Variants in MPP7 observed in about 807,000 individuals in gnomAD.
MPP7 encodes the protein MAGUK p55 scaffold protein 7, also known as MAGUK p55 subfamily member 7.
MPP7 carries 60 observed loss-of-function variants against 76.5 expected under a neutral mutation model. The observed-to-expected ratio is 0.78, with a 90% confidence interval of 0.64 to 0.97. The LOEUF (loss-of-function observed/expected upper bound fraction) is 0.97, where lower values mean the gene tolerates loss of function less well. Ranked by LOEUF, MPP7 falls within the 50% of genes least tolerant of loss-of-function variation. MPP7 has a pLI of 0.00. For missense variants in MPP7, 641 were observed against 694.0 expected (o/e 0.92, Z 0.86); for synonymous variants, 237 against 244.5 (o/e 0.97, Z 0.29).
intron 1 of MPP7, among the ~76,000 whole-genome samples, chr10:28,261,822 G>A (rs908884854): frequency 6.6e-6 from 1 of 152,016 alleles, no homozygotes; most frequent in Non-Finnish European, 1.5e-5. Flanking sequence ...CGAGGCAGGA[G>A]GATTGCTTGA....
In MPP7 at chr10:28,319,774, G is replaced by A. The variant is rs150288620; in HGVS notation, c.-132+10155C>T. Among the ~76,000 whole-genome samples the A allele has an allele frequency of 9.1e-3, 1,386 of 152,098 alleles. 21 individuals are homozygous for A. Among genetic ancestry groups the A allele is most frequent in the East Asian group, 0.055 (286 of 5,172 alleles). On this transcript the variant is annotated intron_variant, in intron 2 of 11. Transcript: ENST00000441595. ...GTGGATCACTTGAGGCCAGGGGTTC[G>A]AGACCAGCCTGGGCAACATGGAGAA...
chr10:28,081,685 T>C (rs892730942), intron 12 of MPP7, among the ~76,000 whole-genome samples: 1 of 152,082 alleles, frequency 6.6e-6, no homozygotes, highest in Non-Finnish European at 1.5e-5. Flanking sequence ...TTTTGTATTT[T>C]CTCAACAATA....
At chr10:28,297,238 A>T (rs1359103680) in intron 1 of MPP7, among the ~76,000 whole-genome samples, 2 of 152,202 alleles carry the variant, frequency 1.3e-5, no homozygotes, top group African/African-American at 4.8e-5. Flanking sequence ...ATTAGCTCTT[A>T]ATTTTAAAAT....
intron 1 of MPP7, among the ~76,000 whole-genome samples, chr10:28,241,913 G>T (rs977829413): frequency 1.3e-5 from 2 of 152,132 alleles, no homozygotes; most frequent in Non-Finnish European, 2.9e-5. Flanking sequence ...CTATGTGAAG[G>T]TCTATGAGCT....
At chr10:28,269,597 G>A (rs1035244388) in intron 1 of MPP7, among the ~76,000 whole-genome samples, 2 of 149,856 alleles carry the variant, frequency 1.3e-5, no homozygotes, top group Non-Finnish European at 3.0e-5. Context: ...CATGATCAAA[G>A]CTCACTGCAG....
intron 6 of MPP7, among the ~76,000 whole-genome samples, chr10:28,126,428 C>T (rs1378536346): frequency 1.3e-5 from 2 of 152,164 alleles, no homozygotes; most frequent in African/African-American, 4.8e-5. Flanking sequence ...GGCAGAAAAG[C>T]CTAGTAATCT....
At chr10:28,219,581 A>G (rs77622750) in intron 2 of MPP7, among the ~76,000 whole-genome samples, 7 of 152,286 alleles carry the variant, frequency 4.6e-5, no homozygotes, top group Middle Eastern at 3.4e-3. Flanking sequence ...TCTGGGTTCA[A>G]TCATACTCAT....
Position 28,324,327 on chromosome 10 carries a change from C to A in MPP7, c.-132+5602G>T, listed in dbSNP as rs191645874. Reference sequence around the variant, plus strand: ...GCCTTGATCTTGGACTTCCCAGTCTCTATAACTGCAAGAAAGAAATTTCTG... The same window carrying A: ...GCCTTGATCTTGGACTTCCCAGTCTATATAACTGCAAGAAAGAAATTTCTG... On this transcript the variant is annotated intron_variant, in intron 2 of 11. Coordinates refer to the MPP7 transcript ENST00000441595. Among the ~76,000 whole-genome samples, 5 of 152,296 alleles carry A rather than the reference C, an allele frequency of 3.3e-5. No individual in the cohort carries two copies. The East Asian group carries it at 9.7e-4, about 29-fold the overall frequency.
At chr10:28,196,999 T>C (rs1312852936) in intron 3 of MPP7, among the ~76,000 whole-genome samples, 1 of 152,086 alleles carries the variant, frequency 6.6e-6, no homozygotes, top group East Asian at 1.9e-4. Flanking sequence ...ACTGTTCATC[T>C]CTCCTGCCAC....
In MPP7 at chr10:28,053,146, C is replaced by A. The variant is rs1484399992; in HGVS notation, c.*919G>T. On this transcript the variant is annotated 3_prime_UTR_variant, in exon 17 of 17. Coordinates refer to ENST00000683449, the MANE Select transcript of MPP7 (RefSeq NM_001318170.2). The stretch of plus-strand genomic sequence containing the variant: ...CTATTGCACATAGATGAAAAATAAT[C>A]TTTAATTGTATCAGTAATATGTAAA... The A allele has an allele frequency of 1.3e-5, 2 of 152,052 alleles. No individual in the cohort carries two copies. Among genetic ancestry groups the A allele is most frequent in the Non-Finnish European group, 2.9e-5 (2 of 68,000 alleles). 9.4% of individuals were successfully genotyped at this position (152,052 alleles called of 1,614,324 possible). A position where few individuals can be genotyped will look rare whatever the true frequency, so the allele number is the denominator to read the frequency against.
chr10:28,262,679 C>A (rs1010735918), intron 1 of MPP7, among the ~76,000 whole-genome samples: 2 of 152,138 alleles, frequency 1.3e-5, no homozygotes, highest in Non-Finnish European at 2.9e-5. Flanking sequence ...ACAGGTTGTA[C>A]ATTCATTAGA....
intron 3 of MPP7, among the ~76,000 whole-genome samples, chr10:28,163,913 C>CA (rs35147298): frequency 0.16 from 21,383 of 132,394 alleles, 2,189 homozygotes; most frequent in East Asian, 0.38. Flanking sequence ...AGCTCCATCT[C>CA]AAAAAAAAAA....
intron 2 of MPP7, among the ~76,000 whole-genome samples, chr10:28,317,548 A>T (rs1834335182): frequency 6.6e-6 from 1 of 152,188 alleles, no homozygotes; most frequent in Non-Finnish European, 1.5e-5. Context: ...AAAGGGTAAA[A>T]AATTGTTTTC....
intron 5 of MPP7, among the ~76,000 whole-genome samples, chr10:28,144,064 T>C (rs937960644): frequency 6.6e-6 from 1 of 152,118 alleles, no homozygotes; most frequent in Non-Finnish European, 1.5e-5. Flanking sequence ...GATTTTTGTA[T>C]CTTTAGTAGA....
chr10:28,143,191 G>A (rs1480059823), intron 5 of MPP7, among the ~76,000 whole-genome samples: 1 of 152,102 alleles, frequency 6.6e-6, no homozygotes, highest in African/African-American at 2.4e-5. Flanking sequence ...TACAGAAAGG[G>A]TTGAAAGGTA....
At chr10:28,154,211 T>A (rs965165507) in intron 3 of MPP7, among the ~76,000 whole-genome samples, 1 of 152,174 alleles carries the variant, frequency 6.6e-6, no homozygotes, top group Non-Finnish European at 1.5e-5. Flanking sequence ...TGTTCCTACC[T>A]AATCCCAGGA....
intron 1 of MPP7, among the ~76,000 whole-genome samples, chr10:28,301,321 A>G (rs1841150119): frequency 6.6e-6 from 1 of 152,220 alleles, no homozygotes; most frequent in South Asian, 2.1e-4. Context: ...AGATGCAAAC[A>G]CAAATAAGGT....
chr10:28,213,809 A>AGAG (rs1232136364), intron 2 of MPP7, among the ~76,000 whole-genome samples: 1 of 136,530 alleles, frequency 7.3e-6, no homozygotes, highest in African/African-American at 3.0e-5. Context: ...AAAAAAAAAA[A>AGAG]AGAGAGAGAG....
At chr10:28,128,029 G>A (rs892876279) in intron 6 of MPP7, among the ~76,000 whole-genome samples, 5 of 152,120 alleles carry the variant, frequency 3.3e-5, no homozygotes, top group African/African-American at 9.7e-5. Context: ...GCAGAGGAGC[G>A]GCAAGAGGAG....
Sources: allele counts gnomAD v4.1 joint callset (sites outside exome capture counted in the v4.1 genomes callset), GRCh38; gene constraint gnomAD v4.1.1; transcripts MANE v1.5; gene names NCBI Gene and HGNC (gene_info 2026-07-23, HGNC 2026-07-21).